The following DOCK10 variants were observed in gnomAD, a reference collection of about 807,000 sequenced individuals.
The protein encoded by DOCK10 is dedicator of cytokinesis 10, also known as dedicator of cytokinesis protein 10.
DOCK10 carries 145 observed loss-of-function variants against 280.1 expected under a neutral mutation model. That is an observed-to-expected ratio of 0.52 (90% CI 0.45 to 0.59). The LOEUF (loss-of-function observed/expected upper bound fraction) is 0.59, where lower values mean the gene tolerates loss of function less well. DOCK10 is among the 20% of genes least tolerant of loss of function. The pLI is 0.00. For synonymous variants in DOCK10, 915 were observed against 942.2 expected (o/e 0.97, Z 0.53); for missense variants, 2,368 against 2,651.7 (o/e 0.89, Z 2.35).
chr2:224,857,119 C>T (rs1697200839), intron 14 of DOCK10, 137 bp from the exon 15 acceptor site: 1 of 653,276 alleles, frequency 1.5e-6, no homozygotes, highest in Admixed American at 3.8e-5. Context: ...AGACCAAAAA[C>T]TTTTACAAAT....
chr2:224,887,787 T>C (rs907890764), intron 4 of DOCK10, among the ~76,000 whole-genome samples: 2 of 152,212 alleles, frequency 1.3e-5, no homozygotes, highest in African/African-American at 4.8e-5. Flanking sequence ...GTTACTTTTT[T>C]GTAATAAGAG....
intron 1 of DOCK10, among the ~76,000 whole-genome samples, chr2:224,961,274 C>T (rs1353716823): frequency 6.6e-6 from 1 of 152,160 alleles, no homozygotes; most frequent in Non-Finnish European, 1.5e-5. Flanking sequence ...CTGCGTTGAA[C>T]AAAGCTAAAC....
At chr2:224,992,401 T>C (rs935598054) in intron 1 of DOCK10, among the ~76,000 whole-genome samples, 5 of 152,236 alleles carry the variant, frequency 3.3e-5, no homozygotes, top group Non-Finnish European at 7.3e-5. Flanking sequence ...AAAGATAGCC[T>C]GAGCTCAATT....
At chr2:224,919,783 AT>A (rs879680972) in intron 2 of DOCK10, among the ~76,000 whole-genome samples, 2 of 152,076 alleles carry the variant, frequency 1.3e-5, no homozygotes, top group Non-Finnish European at 2.9e-5. Context: ...TGCCATGTAG[AT>A]TTAATAAGAT....
chr2:224,812,767 C>T (rs1693867697), intron 31 of DOCK10, among the ~76,000 whole-genome samples: 2 of 152,148 alleles, frequency 1.3e-5, no homozygotes, highest in Admixed American at 6.5e-5. Context: ...GTCTTTGGTT[C>T]TGTTTATATG....
chr2:225,027,511 G>C (rs1689949708), intron 1 of DOCK10, among the ~76,000 whole-genome samples: 1 of 152,104 alleles, frequency 6.6e-6, no homozygotes, highest in South Asian at 2.1e-4. Flanking sequence ...TTGCATCATG[G>C]GATCGGTTTC....
At chr2:224,905,583 C>T (rs1170283230) in intron 3 of DOCK10, among the ~76,000 whole-genome samples, 1 of 152,166 alleles carries the variant, frequency 6.6e-6, no homozygotes, top group Non-Finnish European at 1.5e-5. Flanking sequence ...ATGCTTTGGG[C>T]ACTCTGCCTG....
intron 1 of DOCK10, among the ~76,000 whole-genome samples, chr2:225,024,136 T>A (rs1392427981): frequency 6.6e-6 from 1 of 152,110 alleles, no homozygotes; most frequent in Non-Finnish European, 1.5e-5. Context: ...CATTTCGAGG[T>A]CAAGAAAGAC....
At chr2:224,967,119 GC>G (rs1313213111) in intron 1 of DOCK10, among the ~76,000 whole-genome samples, 4 of 146,074 alleles carry the variant, frequency 2.7e-5, no homozygotes, top group South Asian at 4.3e-4. Context: ...TCGCTCTGTC[GC>G]CCAGGCTGGA....
chr2:224,918,775 G>T (rs542582088), intron 2 of DOCK10, among the ~76,000 whole-genome samples: 12 of 112,052 alleles, frequency 1.1e-4, no homozygotes, highest in African/African-American at 3.3e-4. Context: ...TTGAGTGCAT[G>T]TGTATGTGTA....
chr2:225,003,575 T>C (rs1575159960), intron 1 of DOCK10, among the ~76,000 whole-genome samples: 1 of 152,206 alleles, frequency 6.6e-6, no homozygotes, highest in Admixed American at 6.5e-5. Context: ...ATGAACCTTT[T>C]GTTCAAAAAA....
At position 224,939,768 on chromosome 2, in the gene DOCK10, C is replaced by T. The variant is rs191641216; in HGVS notation, c.124-8100G>A. Among the ~76,000 whole-genome samples, 503 of 152,300 alleles carry T rather than the reference C, an allele frequency of 3.3e-3. 9 individuals carry two copies. The highest frequency in any genetic ancestry group is 0.012 in the African/African-American group (479 of 41,554). On this transcript the variant is annotated intron_variant, in intron 1 of 55. Transcript: ENST00000258390. ...TCACTCACAGGTCAAGTGTTGTACACGCACATACATGTCACACATACAAAT... is the reference window on the plus strand; with the variant it reads ...TCACTCACAGGTCAAGTGTTGTACATGCACATACATGTCACACATACAAAT...
rs1261985057 is a variant in DOCK10, at chr2:224,816,574, T to C, written c.3364+43A>G. The stretch of plus-strand genomic sequence containing the variant: ...AAGGTAAAACGAACAAACAAAAGCA[T>C]TCACTTTGCAGGAACTGAGGAAAAT... On this transcript the variant is annotated intron_variant, in intron 30 of 55. Coordinates refer to ENST00000258390, the MANE Select transcript of DOCK10 (RefSeq NM_014689.3). 7 of 1,108,650 alleles carry C rather than the reference T, an allele frequency of 6.3e-6. No individual in the cohort carries two copies. The South Asian group carries it at 9.5e-5, about 15-fold the overall frequency. The allele number at this position is 1,108,650 out of a possible 1,614,324, so 68.7% of individuals were successfully genotyped here.
intron 27 of DOCK10, among the ~76,000 whole-genome samples, chr2:224,825,099 C>T (rs1694761103): frequency 1.3e-5 from 2 of 151,674 alleles, no homozygotes; most frequent in African/African-American, 2.4e-5. Flanking sequence ...CTGCTTCAGC[C>T]TCCTGAGTAG....
At chr2:224,784,606 C>G in intron 50 of DOCK10, 1 of 799,148 alleles carries the variant, frequency 1.3e-6, no homozygotes, top group South Asian at 1.5e-5. Flanking sequence ...TGAATGAAAG[C>G]AGGATTATCT....
chr2:225,035,069 A>G (rs1486887360), intron 1 of DOCK10, among the ~76,000 whole-genome samples: 2 of 152,218 alleles, frequency 1.3e-5, no homozygotes, highest in Non-Finnish European at 2.9e-5. Context: ...TTCACAGTTC[A>G]GGAAACTGAG....
chr2:224,808,194 G>T lies in DOCK10; in HGVS notation c.3410-108C>A. 4 of 994,284 alleles carry T rather than the reference G, an allele frequency of 4.0e-6. No individual in the cohort carries two copies. The South Asian group carries it at 4.8e-5, about 12-fold the overall frequency. The allele number at this position is 994,284 out of a possible 1,614,324, so 61.6% of individuals were successfully genotyped here. The stretch of plus-strand genomic sequence containing the variant: ...CATCAACTTCTTCCACCACTAGGAG[G>T]GATTCAGGAATACAGTCTTGCTACA... On this transcript the variant is annotated intron_variant, in intron 31 of 55. Coordinates refer to ENST00000258390, the MANE Select transcript of DOCK10 (RefSeq NM_014689.3).
At chr2:224,969,128 A>T (rs1397896830) in intron 1 of DOCK10, among the ~76,000 whole-genome samples, 1 of 152,218 alleles carries the variant, frequency 6.6e-6, no homozygotes, top group East Asian at 1.9e-4. Context: ...GCTTTTGCCA[A>T]GGAAGTGTTA....
intron 24 of DOCK10, among the ~76,000 whole-genome samples, chr2:224,838,299 A>G (rs1466052175): frequency 6.6e-6 from 1 of 152,234 alleles, no homozygotes; most frequent in Non-Finnish European, 1.5e-5. Context: ...AAAAGTAATT[A>G]GGTTAAGATG....
Sources: allele counts gnomAD v4.1 joint callset (sites outside exome capture counted in the v4.1 genomes callset), GRCh38; gene constraint gnomAD v4.1.1; transcripts MANE v1.5; gene names NCBI Gene and HGNC (gene_info 2026-07-23, HGNC 2026-07-21).